ATG10: variants seen among roughly 807,000 people sequenced by gnomAD.
ATG10 encodes the protein ubiquitin-like-conjugating enzyme ATG10.
In ATG10, 30 loss-of-function variants were observed where a neutral mutation model predicts 32.1. The observed-to-expected ratio is 0.94, with a 90% CI of 0.70 to 1.27. The LOEUF (loss-of-function observed/expected upper bound fraction) is 1.27. Among genes scored for constraint, ATG10 ranks in the 50% most tolerant of loss-of-function variants. The probability of loss-of-function intolerance (pLI) is 0.00; values close to 1 mark genes in which losing one functional copy is unlikely to be tolerated. For missense variants in ATG10, 233 were observed against 262.3 expected (o/e 0.89, Z 0.77); for synonymous variants, 87 against 91.5 (o/e 0.95, Z 0.28).
chr5:82,098,846 T>TA (rs1287821916), intron 3 of ATG10, among the ~76,000 whole-genome samples: 1 of 152,208 alleles, frequency 6.6e-6, no homozygotes, highest in African/African-American at 2.4e-5. Context: ...CTGACCCAAT[T>TA]ACATGGGTCT....
intron 2 of ATG10, among the ~76,000 whole-genome samples, chr5:81,997,479 C>G (rs1761702633): frequency 6.6e-6 from 1 of 152,178 alleles, no homozygotes; most frequent in South Asian, 2.1e-4. Flanking sequence ...CTCAAAAAGC[C>G]AGAGTTGTCT....
At chr5:82,084,631 C>A (rs1764604244) in intron 3 of ATG10, among the ~76,000 whole-genome samples, 1 of 152,194 alleles carries the variant, frequency 6.6e-6, no homozygotes, top group South Asian at 2.1e-4. Context: ...AACAGCGGAT[C>A]TCTCGGCAGA....
At chr5:82,145,421 T>C (rs1052584974) in intron 3 of ATG10, among the ~76,000 whole-genome samples, 4 of 152,134 alleles carry the variant, frequency 2.6e-5, no homozygotes, top group Admixed American at 6.5e-5. Context: ...TTTACATTAT[T>C]TTATGAATGA....
intron 5 of ATG10, among the ~76,000 whole-genome samples, chr5:82,209,305 C>T (rs1745411186): frequency 6.6e-6 from 1 of 152,038 alleles, no homozygotes; most frequent in Non-Finnish European, 1.5e-5. Context: ...TGTTTGTCTT[C>T]CACCAAAAAT....
intron 5 of ATG10, among the ~76,000 whole-genome samples, chr5:82,189,537 G>A (rs1437417042): frequency 6.6e-6 from 1 of 152,202 alleles, no homozygotes; most frequent in African/African-American, 2.4e-5. Flanking sequence ...GGTTTACACT[G>A]TTAAAGTCTT....
intron 1 of ATG10, among the ~76,000 whole-genome samples, chr5:81,986,645 C>T (rs1761282486): frequency 6.6e-6 from 1 of 151,968 alleles, no homozygotes; most frequent in Non-Finnish European, 1.5e-5. Flanking sequence ...TGAAGCCAAA[C>T]AGGGGTTTAA....
intron 5 of ATG10, among the ~76,000 whole-genome samples, chr5:82,230,579 A>G (rs1284439160): frequency 6.6e-6 from 1 of 151,980 alleles, no homozygotes; most frequent in African/African-American, 2.4e-5. Context: ...TAAAAATACA[A>G]AAACTTAGCC....
At chr5:81,997,683 G>A (rs896909044) in intron 2 of ATG10, among the ~76,000 whole-genome samples, 7 of 152,136 alleles carry the variant, frequency 4.6e-5, no homozygotes, top group Admixed American at 3.9e-4. Flanking sequence ...CCATTTTTAA[G>A]AAAGAACCAA....
intron 3 of ATG10, among the ~76,000 whole-genome samples, chr5:82,082,168 C>G (rs1008857573): frequency 1.3e-5 from 2 of 152,088 alleles, no homozygotes; most frequent in African/African-American, 2.4e-5. Context: ...GGGGACACAG[C>G]CAAACCATTT....
In ATG10 at chr5:82,255,543, C is replaced by T. The variant is rs530086813; in HGVS notation, c.*1480C>T. On this transcript the variant is annotated 3_prime_UTR_variant, in exon 8 of 8. Transcript: ENST00000282185. ...AAAATCACCTGAGGATCGTTTACAG[C>T]TACAGATGCTGGGGCCACCTGACAC... The T allele has an allele frequency of 6.6e-6, 1 of 152,362 alleles. No individual in the cohort carries two copies. Among genetic ancestry groups the T allele is most frequent in the Non-Finnish European group, 1.5e-5 (1 of 68,078 alleles). The allele number at this position is 152,362 out of a possible 1,614,324, so 9.4% of individuals were successfully genotyped here.
chr5:81,972,081 G>C lies in ATG10; in HGVS notation c.-238G>C, dbSNP rs1460764664. 6.6e-6 allele frequency: 1 copy of C among 152,152 alleles called. No homozygotes were observed. The highest frequency in any genetic ancestry group is 1.5e-5 in the Non-Finnish European group (1 of 68,040). The allele number at this position is 152,152 out of a possible 1,614,324, so 9.4% of individuals were successfully genotyped here. On this transcript the variant is annotated 5_prime_UTR_variant, in exon 1 of 8. Transcript: ENST00000282185. Reference sequence around the variant, plus strand: ...CCTGACTGAAGGAGGCCGCGGACCTGACTGAAGGAGGCCACGGCCACTTCT... The same window carrying C: ...CCTGACTGAAGGAGGCCGCGGACCTCACTGAAGGAGGCCACGGCCACTTCT...
chr5:82,026,567 T>C (rs191332925), intron 2 of ATG10, among the ~76,000 whole-genome samples: 1 of 152,334 alleles, frequency 6.6e-6, no homozygotes, highest in East Asian at 1.9e-4. Context: ...AAGTAAAACA[T>C]TGATTTTGTT....
At chr5:82,084,913 A>G (rs985134428) in intron 3 of ATG10, among the ~76,000 whole-genome samples, 3 of 152,178 alleles carry the variant, frequency 2.0e-5, no homozygotes, top group Non-Finnish European at 4.4e-5. Context: ...CTAGGAAGAA[A>G]CTGCATCAAC....
intron 5 of ATG10, among the ~76,000 whole-genome samples, chr5:82,225,323 A>AT (rs1475045068): frequency 6.6e-6 from 1 of 152,196 alleles, no homozygotes; most frequent in Non-Finnish European, 1.5e-5. Flanking sequence ...TAATACAAAT[A>AT]TTTGGGGACC....
At chr5:81,981,196 C>T (rs1761038541) in intron 1 of ATG10, among the ~76,000 whole-genome samples, 1 of 152,200 alleles carries the variant, frequency 6.6e-6, no homozygotes, top group Non-Finnish European at 1.5e-5. Context: ...GGTCTTTTAC[C>T]AGCCCTGTCA....
At chr5:82,008,956 C>T (rs893380994) in intron 2 of ATG10, among the ~76,000 whole-genome samples, 5 of 152,170 alleles carry the variant, frequency 3.3e-5, no homozygotes, top group African/African-American at 1.2e-4. Flanking sequence ...ACCATCTCAG[C>T]ATGATAGCTC....
intron 2 of ATG10, among the ~76,000 whole-genome samples, chr5:82,011,060 G>A (rs751463877): frequency 1.3e-5 from 2 of 152,086 alleles, no homozygotes; most frequent in African/African-American, 2.4e-5. Flanking sequence ...GCTACTTATC[G>A]TTTTCTAAGT....
In ATG10 at chr5:82,161,914, T is replaced by TG. The variant is rs557204177; in HGVS notation, c.217-2481dup. On this transcript the variant is annotated intron_variant, in intron 3 of 7. Transcript: ENST00000282185. ...ATCTTTATAATTTGTAAGACTGAGG[T>TG]GGGGTACAGCAGGAAGCCTTCTGAT... Among the ~76,000 whole-genome samples the TG allele has an allele frequency of 3.3e-3, 498 of 152,080 alleles. 1 individual carries two copies. Among genetic ancestry groups the TG allele is most frequent in the African/African-American group, 0.011 (474 of 41,482 alleles).
At chr5:82,003,261 G>A (rs1411982084) in intron 2 of ATG10, among the ~76,000 whole-genome samples, 1 of 152,200 alleles carries the variant, frequency 6.6e-6, no homozygotes, top group Non-Finnish European at 1.5e-5. Context: ...GGAAATATCA[G>A]TAGGAATGCA....
Sources: allele counts gnomAD v4.1 joint callset (sites outside exome capture counted in the v4.1 genomes callset), GRCh38; gene constraint gnomAD v4.1.1; transcripts MANE v1.5; gene names NCBI Gene and HGNC (gene_info 2026-07-23, HGNC 2026-07-21).